The following CHD9 variants were observed in gnomAD, a reference collection of about 807,000 sequenced individuals.
CHD9 encodes chromodomain helicase DNA binding protein 9, also known as ATP-dependent chromatin remodeler CHD9.
Under a neutral mutation model 316.1 loss-of-function variants are expected in CHD9, and 77 were observed. That is an observed-to-expected ratio of 0.24 (90% CI 0.20 to 0.29). The LOEUF is 0.29. Among genes scored for constraint, CHD9 ranks in the 10% least tolerant of loss-of-function variants. The probability of loss-of-function intolerance (pLI) is 1.00; values close to 1 mark genes in which losing one functional copy is unlikely to be tolerated. For synonymous variants in CHD9, 1,129 were observed against 1,158.3 expected, an observed-to-expected ratio of 0.97 and a Z score of 0.51; for missense variants, 2,763 against 3,438.1, an observed-to-expected ratio of 0.80 and a Z score of 4.91.
At chr16:53,142,171 C>G (rs982654824) in intron 1 of CHD9, among the ~76,000 whole-genome samples, 3 of 151,982 alleles carry the variant, frequency 2.0e-5, no homozygotes, top group African/African-American at 4.8e-5. Flanking sequence ...CTTGGTAAGT[C>G]GACAAGGAAT....
intron 3 of CHD9, 129 bp downstream of exon 3, chr16:53,209,942 G>A: frequency 1.5e-6 from 1 of 656,208 alleles, no homozygotes; most frequent in Non-Finnish European, 2.6e-6. Context: ...GCTACTATGT[G>A]TGCTTTATTT....
rs771128485 is a variant in CHD9 at position 53,267,345 on chromosome 16, A to G, written c.4372A>G (p.Ser1458Gly). ...PRIRKQTRPF[S>G]ATKDELAELS... is the part of the protein sequence containing the mutation. The stretch of plus-strand genomic sequence containing the variant: ...AATTAGGAAGCAAACAAGACCTTTT[A>G]GTGCCACAAAAGATGAATTGGCTGA... Residue 1458 changes from serine (S) to glycine (G), a missense_variant, in exon 21 of 39, where the codon AGT (serine) becomes GGT (glycine). By Grantham distance (56) the Ser-to-Gly change is moderately conservative. This residue lies in a region of CHD9 where 199 missense variants were observed against 251.7 expected (regional missense o/e 0.79). Coordinates refer to ENST00000447540, the MANE Select transcript of CHD9 (RefSeq NM_001308319.2). The G allele has an allele frequency of 6.2e-7, 1 of 1,612,450 alleles. No homozygotes were observed.
chr16:53,160,779 T>C (rs1414255162), intron 2 of CHD9, among the ~76,000 whole-genome samples: 1 of 152,158 alleles, frequency 6.6e-6, no homozygotes, highest in Non-Finnish European at 1.5e-5. Context: ...TGGTGGCCCA[T>C]GCCTGTAATC....
At chr16:53,300,194 A>T (rs970073106) in intron 30 of CHD9, among the ~76,000 whole-genome samples, 2 of 152,114 alleles carry the variant, frequency 1.3e-5, no homozygotes, top group African/African-American at 2.4e-5. Flanking sequence ...TCTACTAAAG[A>T]TACAAAAAAT....
chr16:53,101,966 A>G (rs1382277688), intron 1 of CHD9, among the ~76,000 whole-genome samples: 1 of 152,198 alleles, frequency 6.6e-6, no homozygotes, highest in African/African-American at 2.4e-5. Context: ...AGTGTAAGGA[A>G]TGGGTCGTAG....
intron 27 of CHD9, among the ~76,000 whole-genome samples, chr16:53,288,712 A>G (rs1035160575): frequency 6.6e-6 from 1 of 152,188 alleles, no homozygotes; most frequent in Non-Finnish European, 1.5e-5. Flanking sequence ...CTCAAAGGCC[A>G]GTAATTACTG....
At chr16:53,112,454 T>C (rs545759995) in intron 1 of CHD9, among the ~76,000 whole-genome samples, 2 of 152,346 alleles carry the variant, frequency 1.3e-5, no homozygotes, top group South Asian at 4.1e-4. Context: ...TTTCCCTGTT[T>C]GTTGATCTAC....
chr16:53,130,789 C>G lies in CHD9; in HGVS notation c.-164-25137C>G, dbSNP rs368711421. The G allele has an allele frequency of 7.2e-5, 11 of 152,018 alleles. No individual in the cohort carries two copies. The East Asian group carries it at 2.2e-3, about 30-fold the overall frequency. The allele number at this position is 152,018 out of a possible 1,614,324, so 9.4% of individuals were successfully genotyped here. A position where few individuals can be genotyped will look rare whatever the true frequency, so the allele number is the denominator to read the frequency against. The stretch of plus-strand genomic sequence containing the variant: ...GGCGAAGGGGACGCTCCCTCTTAGG[C>G]AGCCCGACGCGGCTGGAGCCGCGGC... On this transcript the variant is annotated intron_variant, in intron 1 of 38. Coordinates refer to ENST00000447540, the MANE Select transcript of CHD9 (RefSeq NM_001308319.2).
intron 1 of CHD9, among the ~76,000 whole-genome samples, chr16:53,085,452 C>A (rs1416892410): frequency 2.6e-5 from 4 of 152,078 alleles, no homozygotes; most frequent in East Asian, 1.9e-4. Flanking sequence ...GACCTTCTAT[C>A]CCCTGGGCTC....
intron 29 of CHD9, among the ~76,000 whole-genome samples, chr16:53,293,815 G>T (rs889716553): frequency 6.6e-6 from 1 of 152,072 alleles, no homozygotes; most frequent in African/African-American, 2.4e-5. Flanking sequence ...GCCAGGTGTG[G>T]TACGCACCTT....
chr16:53,190,468 A>G (rs1210691395), intron 2 of CHD9, among the ~76,000 whole-genome samples: 2 of 152,110 alleles, frequency 1.3e-5, no homozygotes, highest in East Asian at 1.9e-4. Context: ...AGAATTTTAC[A>G]TGAATCTGAG....
At chr16:53,184,843 G>C (rs1374064320) in intron 2 of CHD9, among the ~76,000 whole-genome samples, 1 of 151,976 alleles carries the variant, frequency 6.6e-6, no homozygotes, top group Non-Finnish European at 1.5e-5. Flanking sequence ...TAGTTCTCAC[G>C]AGATCTCACA....
intron 8 of CHD9, among the ~76,000 whole-genome samples, chr16:53,229,583 CT>C (rs2047993555): frequency 6.6e-6 from 1 of 152,114 alleles, no homozygotes; most frequent in Admixed American, 6.6e-5. Context: ...TAATAGACTC[CT>C]TTTGGAGCAG....
At chr16:53,316,186 T>C (rs112417292) in intron 36 of CHD9, among the ~76,000 whole-genome samples, 4,932 of 152,260 alleles carry the variant, frequency 0.032, 99 homozygotes, top group Middle Eastern at 0.071. Flanking sequence ...AGTGTTGAGA[T>C]TACAGGTGTG....
chr16:53,136,860 C>A (rs2039753146), intron 1 of CHD9, among the ~76,000 whole-genome samples: 1 of 152,018 alleles, frequency 6.6e-6, no homozygotes, highest in African/African-American at 2.4e-5. Flanking sequence ...ATAGGGTGAC[C>A]ATTATCTTGA....
intron 1 of CHD9, among the ~76,000 whole-genome samples, chr16:53,105,583 A>C (rs2037278481): frequency 6.6e-6 from 1 of 152,226 alleles, no homozygotes; most frequent in African/African-American, 2.4e-5. Flanking sequence ...ACAATACGCC[A>C]GTGAATAACC....
At chr16:53,214,380 AT>A (rs2046572477) in intron 3 of CHD9, among the ~76,000 whole-genome samples, 1 of 152,192 alleles carries the variant, frequency 6.6e-6, no homozygotes, top group African/African-American at 2.4e-5. Context: ...AATAATAGGA[AT>A]TTTGAAATAA....
chr16:53,060,163 G>A (rs1185712587), intron 1 of CHD9, among the ~76,000 whole-genome samples: 1 of 152,112 alleles, frequency 6.6e-6, no homozygotes, highest in Non-Finnish European at 1.5e-5. Flanking sequence ...GGGCAACATA[G>A]CAAGACCCCC....
chr16:53,254,742 C>G (rs1171003990), intron 18 of CHD9, 137 bp downstream of exon 18: 7 of 636,476 alleles, frequency 1.1e-5, no homozygotes, highest in Middle Eastern at 3.9e-4. Flanking sequence ...ATTTTCAGGA[C>G]AGAGCTATGT....
Sources: allele counts gnomAD v4.1 joint callset (sites outside exome capture counted in the v4.1 genomes callset), GRCh38; gene constraint gnomAD v4.1.1; regional missense constraint gnomAD v4.1.1; transcripts MANE v1.5; gene names NCBI Gene and HGNC (gene_info 2026-07-23, HGNC 2026-07-21).